The following NOL4L variants were observed in gnomAD, a reference collection of about 807,000 sequenced individuals.
The protein encoded by NOL4L is nucleolar protein 4-like.
A neutral mutation model predicts 64.5 loss-of-function variants in NOL4L; 7 were observed. The ratio of observed to expected loss-of-function variants is 0.11; its 90% CI spans 0.06 to 0.20. The LOEUF is 0.20. NOL4L is among the 10% of genes least tolerant of loss of function. The pLI is 1.00. For synonymous variants in NOL4L, 413 were observed against 401.0 expected, an observed-to-expected ratio of 1.03 and a Z score of -0.36; for missense variants, 680 against 967.1, an observed-to-expected ratio of 0.70 and a Z score of 3.94.
intron 1 of NOL4L, among the ~76,000 whole-genome samples, chr20:32,534,070 A>G (rs1422886778): frequency 6.6e-6 from 1 of 152,252 alleles, no homozygotes; most frequent in Non-Finnish European, 1.5e-5. Flanking sequence ...TCAAGGTGGG[A>G]TCACAGTTTT....
rs1568647652 is a variant in NOL4L at position 32,488,782 on chromosome 20, CCTTCCTTCCTTTCTTTCTTTCTTTTT to C, written c.700-14066_700-14041del. On this transcript the variant is annotated intron_variant, in intron 4 of 10. Transcript: ENST00000621426. ...TCCTTCCTTCCTTCCTTCCTTCCTTCCTTCCTTCCTTTCTTTCTTTCTTTTTCTTTCTTTCTTTCTTTCTTTTTCTT... is the reference window on the plus strand; with the variant it reads ...TCCTTCCTTCCTTCCTTCCTTCCTTCCTTTCTTTCTTTCTTTCTTTTTCTT... 1.3e-3 allele frequency among the ~76,000 whole-genome samples: 58 copies of C among 45,744 alleles called. 1 individual carries two copies. The highest frequency in any genetic ancestry group is 5.3e-3 in the South Asian group (8 of 1,522). 30.0% of individuals were successfully genotyped at this position (45,744 alleles called of 152,430 possible).
At chr20:32,555,126 C>T (rs1978566480) in intron 1 of NOL4L, among the ~76,000 whole-genome samples, 1 of 152,074 alleles carries the variant, frequency 6.6e-6, no homozygotes, top group Non-Finnish European at 1.5e-5. Context: ...CTGGCCTCTG[C>T]CCAGGCTGCT....
chr20:32,527,842 G>A lies in NOL4L; in HGVS notation c.393C>T (p.Asp131=), dbSNP rs2018191005. ...KRVAVVEDFF[D]IIYSMHVESS... is the part of the protein sequence containing the mutation. ...TCTCCACATGCATCGAGTAGATGAT[G>A]TCAAAGAAATCTTCCACCACAGCGA... Residue 131 remains aspartate (D), a synonymous_variant, in exon 2 of 11, where the codon GAC becomes GAT. Transcript: ENST00000621426. 6 of 1,550,644 alleles carry A rather than the reference G, an allele frequency of 3.9e-6. No individual in the cohort carries two copies. Among genetic ancestry groups the A allele is most frequent in the African/African-American group, 2.7e-5 (2 of 73,194 alleles).
chr20:32,459,754 A>G (rs2013879600), intron 5 of NOL4L, among the ~76,000 whole-genome samples: 1 of 152,170 alleles, frequency 6.6e-6, no homozygotes, highest in South Asian at 2.1e-4. Context: ...GCTGGTCTCA[A>G]ACTCCCAAGG....
At chr20:32,523,451 T>C (rs2018015242) in intron 2 of NOL4L, among the ~76,000 whole-genome samples, 1 of 152,142 alleles carries the variant, frequency 6.6e-6, no homozygotes, top group African/African-American at 2.4e-5. Context: ...CTGGCTTGCC[T>C]GGGACCAGAA....
chr20:32,574,790 C>T (rs1015597261), intron 1 of NOL4L, among the ~76,000 whole-genome samples: 5 of 151,970 alleles, frequency 3.3e-5, no homozygotes, highest in Non-Finnish European at 5.9e-5. Flanking sequence ...GCCTAAGTCA[C>T]GGGGTCCCCT....
Position 32,447,602 on chromosome 20 carries a change from C to T in NOL4L, c.2037G>A (p.Gln679=). 6.3e-7 allele frequency: 1 copy of T among 1,598,102 alleles called. No homozygotes were observed. Among genetic ancestry groups the T allele is most frequent in the Middle Eastern group, 1.9e-4 (1 of 5,268 alleles). The part of the protein sequence containing the change: ...ADELENLILQ[Q]N ...GCTCCAGGTGCCGGTGGGGTCAGTT[C>T]TGCTGTAGGATGAGGTTTTCCAGTT... Residue 679 remains glutamine (Q), a synonymous_variant, in exon 11 of 11, where the codon CAG becomes CAA. Transcript: ENST00000621426.
In NOL4L at chr20:32,453,975, TG is replaced by T; in HGVS notation, c.1120-215del. 1 of 584,790 alleles carries T rather than the reference TG, an allele frequency of 1.7e-6. No individual in the cohort carries two copies. Among genetic ancestry groups the T allele is most frequent in the Middle Eastern group, 4.6e-4 (1 of 2,184 alleles). 36.2% of individuals were successfully genotyped at this position (584,790 alleles called of 1,614,324 possible). The stretch of plus-strand genomic sequence containing the variant: ...AATGCTACCACCTCCCTCCCTGGGC[TG>T]CCGCAGGGAGGACCGACTGCAATAG... On this transcript the variant is annotated intron_variant, in intron 6 of 10. Transcript: ENST00000621426. The surrounding 1 kb of genome is among the most constrained non-coding windows in gnomAD (Gnocchi z 5.6).
At chr20:32,490,304 C>A (rs1457410891) in intron 4 of NOL4L, among the ~76,000 whole-genome samples, 1 of 151,986 alleles carries the variant, frequency 6.6e-6, no homozygotes, top group East Asian at 1.9e-4. Flanking sequence ...ACTCTAGGTA[C>A]AGCATATTTA....
chr20:32,513,267 T>A (rs1227665893), intron 3 of NOL4L, among the ~76,000 whole-genome samples: 1 of 152,082 alleles, frequency 6.6e-6, no homozygotes, highest in Non-Finnish European at 1.5e-5. Context: ...GGGGGTGACT[T>A]ATAATACCTG....
chr20:32,455,193 C>T (rs998614052), intron 6 of NOL4L, among the ~76,000 whole-genome samples: 1 of 152,194 alleles, frequency 6.6e-6, no homozygotes, highest in African/African-American at 2.4e-5. Flanking sequence ...TTCCCTGGGC[C>T]CCCCATGTAC....
intron 4 of NOL4L, among the ~76,000 whole-genome samples, chr20:32,488,006 T>G (rs2016167785): frequency 6.6e-6 from 1 of 151,916 alleles, no homozygotes; most frequent in Non-Finnish European, 1.5e-5. Flanking sequence ...CTGGGCTCAC[T>G]GCATCCTCCA....
At chr20:32,483,873 G>A (rs2015919081) in intron 4 of NOL4L, among the ~76,000 whole-genome samples, 1 of 139,102 alleles carries the variant, frequency 7.2e-6, no homozygotes, top group African/African-American at 2.6e-5. Flanking sequence ...CAGGTAGGGG[G>A]GGATAAGGGC....
At chr20:32,574,584 CAGGGCCTGGCCTGCTGAAGGA>C (rs1165016789) in intron 1 of NOL4L, among the ~76,000 whole-genome samples, 1 of 152,168 alleles carries the variant, frequency 6.6e-6, no homozygotes, top group African/African-American at 2.4e-5. Context: ...AGCATCCAGT[CAGGGCCTGGCCTGCTGAAGGA>C]AGGGCCCCAT....
chr20:32,510,664 T>A (rs1600792652), intron 4 of NOL4L: 1 of 154,016 alleles, frequency 6.5e-6, no homozygotes, highest in Non-Finnish European at 1.4e-5. Context: ...CACTCCAAGC[T>A]GAAGGCAAGA....
At chr20:32,477,449 C>T (rs2015464155) in intron 4 of NOL4L, among the ~76,000 whole-genome samples, 1 of 152,352 alleles carries the variant, frequency 6.6e-6, no homozygotes, top group South Asian at 2.1e-4. Context: ...CAAGCTGTAT[C>T]CAGCTGTCAC....
intron 1 of NOL4L, among the ~76,000 whole-genome samples, chr20:32,537,904 G>A (rs574070886): frequency 6.6e-6 from 1 of 151,844 alleles, no homozygotes; most frequent in African/African-American, 2.4e-5. Context: ...ACAGCCTCCC[G>A]AGTAGCTGGG....
Position 32,443,871 on chromosome 20 carries a change from G to T in NOL4L, c.*3725C>A, listed in dbSNP as rs1389945518. 1 of 152,192 alleles carries T rather than the reference G, an allele frequency of 6.6e-6. No homozygotes were observed. Among genetic ancestry groups the T allele is most frequent in the Non-Finnish European group, 1.5e-5 (1 of 68,064 alleles). The allele number at this position is 152,192 out of a possible 1,614,324, so 9.4% of individuals were successfully genotyped here. A position where few individuals can be genotyped will look rare whatever the true frequency, so the allele number is the denominator to read the frequency against. Reference sequence around the variant, plus strand: ...GTTACCCACCAGCAGCCAATAAGAGGTCTCTCTTCTGACTCCTGCTCCTAA... The same window carrying T: ...GTTACCCACCAGCAGCCAATAAGAGTTCTCTCTTCTGACTCCTGCTCCTAA... On this transcript the variant is annotated 3_prime_UTR_variant, in exon 11 of 11. Transcript: ENST00000621426.
chr20:32,504,814 T>C (rs2017075464), intron 4 of NOL4L, among the ~76,000 whole-genome samples: 1 of 152,122 alleles, frequency 6.6e-6, no homozygotes, highest in Non-Finnish European at 1.5e-5. Context: ...TTGGCCAGGA[T>C]GGTCTCGATC....
Sources: gnomAD v4.1 joint callset for allele counts (sites outside exome capture counted in the v4.1 genomes callset) on GRCh38, gnomAD v4.1.1 for gene constraint, Gnocchi (gnomAD v3.1) non-coding constraint, MANE v1.5 for transcripts, NCBI Gene and HGNC (gene_info 2026-07-23, HGNC 2026-07-21) for gene names.